Variants in MCHR2 observed in about 807,000 individuals in gnomAD.
MCHR2 encodes melanin concentrating hormone receptor 2.
In MCHR2, 15 loss-of-function variants were observed where a neutral mutation model predicts 24.8. The observed-to-expected ratio is 0.60, with a 90% confidence interval of 0.40 to 0.93. MCHR2 has a LOEUF of 0.93. MCHR2 is among the 40% of genes least tolerant of loss of function. The pLI, the probability that MCHR2 is intolerant of heterozygous loss-of-function variation, is 0.00. For synonymous variants in MCHR2, 151 were observed against 147.6 expected (o/e 1.02, Z -0.17); for missense variants, 386 against 408.7 (o/e 0.94, Z 0.48).
At chr6:99,958,625 C>T (rs1022672868) in intron 1 of MCHR2, among the ~76,000 whole-genome samples, 1 of 152,156 alleles carries the variant, frequency 6.6e-6, no homozygotes, top group African/African-American at 2.4e-5. Flanking sequence ...ACCACTGATT[C>T]AACAGCCATA....
chr6:99,953,741 T>A (rs1195257365), intron 2 of MCHR2, among the ~76,000 whole-genome samples: 1 of 151,988 alleles, frequency 6.6e-6, no homozygotes, highest in African/African-American at 2.4e-5. Flanking sequence ...ATGCAATAGG[T>A]ATTTACTAAT....
chr6:99,961,530 A>C (rs1240382032), intron 1 of MCHR2, among the ~76,000 whole-genome samples: 1 of 152,186 alleles, frequency 6.6e-6, no homozygotes, highest in Non-Finnish European at 1.5e-5. Flanking sequence ...GCAGTTATAA[A>C]AAAGGATAAG....
At position 99,994,021 on chromosome 6, in the gene MCHR2, G is replaced by T. The variant is rs1775942623; in HGVS notation, c.-113C>A. On this transcript the variant is annotated 5_prime_UTR_variant, in exon 1 of 6. Transcript: ENST00000281806. ...CTGCAGGTCTATCCGCTAAGCGCGC[G>T]TGACCAAAAACGGCTCTCAGCGGGT... 1 of 152,300 alleles carries T rather than the reference G, an allele frequency of 6.6e-6. No homozygotes were observed. Among genetic ancestry groups the T allele is most frequent in the Admixed American group, 6.5e-5 (1 of 15,278 alleles). The allele number at this position is 152,300 out of a possible 1,614,324, so 9.4% of individuals were successfully genotyped here.
chr6:99,991,988 C>T (rs1437563654), intron 1 of MCHR2, among the ~76,000 whole-genome samples: 3 of 152,078 alleles, frequency 2.0e-5, no homozygotes, highest in Admixed American at 6.5e-5. Context: ...CATTTCATTT[C>T]TGAGAATCAG....
intron 1 of MCHR2, among the ~76,000 whole-genome samples, chr6:99,973,795 T>G (rs377309210): frequency 6.6e-6 from 1 of 152,284 alleles, no homozygotes; most frequent in African/African-American, 2.4e-5. Flanking sequence ...GTCTGTAAAG[T>G]ATTTTATTTC....
chr6:99,943,270 C>T, intron 3 of MCHR2, 127 bp from the exon 4 acceptor site: 1 of 394,932 alleles, frequency 2.5e-6, no homozygotes. Context: ...TCTATCAGGG[C>T]AAAAGAAAGT....
intron 2 of MCHR2, among the ~76,000 whole-genome samples, chr6:99,951,237 G>C (rs577339011): frequency 8.5e-5 from 13 of 152,248 alleles, no homozygotes; most frequent in African/African-American, 2.9e-4. Context: ...TTTAACTCTA[G>C]TTGAATTAAA....
intron 4 of MCHR2, among the ~76,000 whole-genome samples, chr6:99,935,692 T>G (rs1430686422): frequency 6.6e-6 from 1 of 152,050 alleles, no homozygotes; most frequent in Non-Finnish European, 1.5e-5. Flanking sequence ...ATCTCTTTGG[T>G]ATATTAATAT....
At chr6:99,934,175 T>A (rs1350586726) in intron 5 of MCHR2, among the ~76,000 whole-genome samples, 1 of 152,144 alleles carries the variant, frequency 6.6e-6, no homozygotes, top group African/African-American at 2.4e-5. Flanking sequence ...TGCATTTTAA[T>A]GAAACCATTA....
At chr6:99,929,857 A>G (rs1333904605) in intron 5 of MCHR2, among the ~76,000 whole-genome samples, 1 of 149,356 alleles carries the variant, frequency 6.7e-6, no homozygotes, top group East Asian at 1.9e-4. Context: ...TAATATTGTT[A>G]TGTGTGAATT....
At chr6:99,931,348 G>T (rs1176005238) in intron 5 of MCHR2, among the ~76,000 whole-genome samples, 1 of 152,206 alleles carries the variant, frequency 6.6e-6, no homozygotes, top group Admixed American at 6.5e-5. Flanking sequence ...TGTGCTGGGA[G>T]AACCACTGCT....
chr6:99,991,680 G>A (rs986885179), intron 1 of MCHR2, among the ~76,000 whole-genome samples: 1 of 151,802 alleles, frequency 6.6e-6, no homozygotes, highest in Non-Finnish European at 1.5e-5. Context: ...GGTGGTGGGC[G>A]CCTGTAGTCC....
chr6:99,942,223 G>A (rs760571633), intron 4 of MCHR2, among the ~76,000 whole-genome samples: 3 of 152,148 alleles, frequency 2.0e-5, no homozygotes, highest in Non-Finnish European at 4.4e-5. Flanking sequence ...AGCTCTGAAA[G>A]CTAGACATCT....
At chr6:99,963,310 T>G (rs917115619) in intron 1 of MCHR2, among the ~76,000 whole-genome samples, 1 of 152,086 alleles carries the variant, frequency 6.6e-6, no homozygotes, top group African/African-American at 2.4e-5. Context: ...ACACATACAA[T>G]GGAATATTAT....
chr6:99,930,270 C>A (rs898550903), intron 5 of MCHR2, among the ~76,000 whole-genome samples: 19 of 152,096 alleles, frequency 1.2e-4, no homozygotes, highest in African/African-American at 4.3e-4. Context: ...CTGCCCTTAA[C>A]ATTTTTTCCT....
At chr6:99,960,008 C>A (rs1241994195) in intron 1 of MCHR2, among the ~76,000 whole-genome samples, 3 of 151,852 alleles carry the variant, frequency 2.0e-5, no homozygotes, top group African/African-American at 7.3e-5. Context: ...GGGAAATGAA[C>A]ATCCAGATTC....
chr6:99,979,008 C>T (rs1277882995), intron 1 of MCHR2, among the ~76,000 whole-genome samples: 1 of 152,078 alleles, frequency 6.6e-6, no homozygotes, highest in Admixed American at 6.5e-5. Context: ...GCGTACTGCT[C>T]AAAGGCGCCA....
At chr6:99,943,312 AT>A (rs558046070) in intron 3 of MCHR2, among the ~76,000 whole-genome samples, 169 bp from the exon 4 acceptor site, 3 of 150,082 alleles carry the variant, frequency 2.0e-5, no homozygotes, top group East Asian at 1.9e-4. Flanking sequence ...ATTTTTATTT[AT>A]TTTTTTAAAT....
At chr6:99,963,107 A>AT (rs565544246) in intron 1 of MCHR2, among the ~76,000 whole-genome samples, 115 of 132,906 alleles carry the variant, frequency 8.7e-4, no homozygotes, top group African/African-American at 2.9e-3. Flanking sequence ...ACAAATGACA[A>AT]TTAAAAAAAA....
Sources: gnomAD v4.1 joint callset for allele counts (sites outside exome capture counted in the v4.1 genomes callset) on GRCh38, gnomAD v4.1.1 for gene constraint, MANE v1.5 for transcripts, NCBI Gene and HGNC (gene_info 2026-07-23, HGNC 2026-07-21) for gene names.